Variants in CCKAR observed in about 807,000 individuals in gnomAD.
CCKAR encodes cholecystokinin receptor type A.
Under a neutral mutation model 29.8 loss-of-function variants are expected in CCKAR, and 21 were observed. The observed-to-expected ratio is 0.70, with a 90% CI of 0.50 to 1.01. CCKAR has a LOEUF of 1.01. Among genes scored for constraint, CCKAR ranks in the 50% least tolerant of loss-of-function variants. The pLI, the probability that CCKAR is intolerant of heterozygous loss-of-function variation, is 0.00. For synonymous variants in CCKAR, 238 were observed against 221.3 expected, an observed-to-expected ratio of 1.08 and a Z score of -0.67; for missense variants, 570 against 560.6, an observed-to-expected ratio of 1.02 and a Z score of -0.17.
At chr4:26,485,203 AAAAAAAGAAAG>A (rs1228645745) in intron 3 of CCKAR, among the ~76,000 whole-genome samples, 3 of 151,744 alleles carry the variant, frequency 2.0e-5, no homozygotes, top group Non-Finnish European at 4.4e-5. Context: ...TCAAAAAAAA[AAAAAAAGAAAG>A]AAAAAGAAAG....
chr4:26,488,066 T>A (rs1438936034), intron 2 of CCKAR, among the ~76,000 whole-genome samples: 2 of 152,108 alleles, frequency 1.3e-5, no homozygotes. Context: ...GGCTTTCTGG[T>A]CATTGAAGAC....
rs372792585 is a variant in CCKAR, at chr4:26,489,364, A to G, written c.233T>C (p.Ile78Thr). 1.2e-6 allele frequency: 2 copies of G among 1,614,012 alleles called. No homozygotes were observed. Among genetic ancestry groups the G allele is most frequent in the African/African-American group, 1.3e-5 (1 of 74,922 alleles). ...GCTGACAGCCAGGGAGAGGAGGAAG[A>G]TGTTGGTGACCGTCCGCATCCGCTT... ...RNKRMRTVTN[I>T]FLLSLAVSDL... The change falls in exon 2 of 5, where the codon ATC (isoleucine) becomes ACC (threonine). Residue 78 changes from isoleucine to threonine, a missense_variant. Ile to Thr is a moderately conservative substitution (Grantham distance 89). Transcript: ENST00000295589.
rs776531003 is a variant in CCKAR, at chr4:26,485,688, G to A, written c.575C>T (p.Thr192Ile). 3 of 1,614,194 alleles carry A rather than the reference G, an allele frequency of 1.9e-6. No homozygotes were observed. Among genetic ancestry groups the A allele is most frequent in the Non-Finnish European group, 1.7e-6 (2 of 1,180,034 alleles). Reference protein sequence around the residue: ...LVPFTKNNNQTANMCRFLLPN... With the variant: ...LVPFTKNNNQIANMCRFLLPN... ...CAGTAGAAAGCGGCACATATTCGCG[G>A]TCTGGTTGTTATTTTTGGTAAAAGG... The change falls in exon 3 of 5, where the codon ACC becomes ATC. Residue 192 changes from threonine (T) to isoleucine (I), a missense_variant. Thr to Ile is a moderately conservative substitution (Grantham distance 89). Transcript: ENST00000295589.
Position 26,485,891 on chromosome 4 carries a change from A to G in CCKAR, c.372T>C (p.Ser124=), listed in dbSNP as rs749204093. 13 of 1,612,066 alleles carry G rather than the reference A, an allele frequency of 8.1e-6. No individual in the cohort carries two copies. The Admixed American group carries it at 1.8e-4, about 23-fold the overall frequency. Residue 124 remains serine (S), a synonymous_variant, in exon 3 of 5, where the codon TCT becomes TCC. Transcript: ENST00000295589. ...CCAGATTAAAGGTAGATACACTCAC[A>G]GAGGTGCCTGGGAAAGGAACAAAGA... ...CKTTTYFMGT[S]VSVSTFNLVA... is the part of the protein sequence containing the mutation.
chr4:26,485,561 CA>C, intron 3 of CCKAR, 75 bp downstream of exon 3: 1 of 1,513,816 alleles, frequency 6.6e-7, no homozygotes, highest in Admixed American at 1.7e-5. Flanking sequence ...CCACTCTGGG[CA>C]AGGCATCTCA....
At chr4:26,488,303 C>T (rs1737487470) in intron 2 of CCKAR, among the ~76,000 whole-genome samples, 1 of 152,184 alleles carries the variant, frequency 6.6e-6, no homozygotes, top group Admixed American at 6.5e-5. Flanking sequence ...CATTGTGTGG[C>T]TACAAATCTG....
At chr4:26,484,622 G>A (rs2109878941) in intron 3 of CCKAR, among the ~76,000 whole-genome samples, 1 of 152,294 alleles carries the variant, frequency 6.6e-6, no homozygotes, top group South Asian at 2.1e-4. Context: ...AGTAAGCAAA[G>A]GAACCAGTAT....
rs759392524 is a variant in CCKAR at position 26,481,666 on chromosome 4, T to C, written c.1259A>G (p.His420Arg). ...GASLSRFSYS[H>R]MSASVPPQ is the part of the protein sequence containing the mutation. ...CTGGGGTGGCACCGAGGCACTCATA[T>C]GGCTGTACGAGAACCTGGACAGAGA... is the stretch of plus-strand genomic sequence containing the variant. The change falls in exon 5 of 5, where the codon CAT (histidine) becomes CGT (arginine). Residue 420 changes from histidine to arginine, a missense_variant. Physicochemically the swap from His to Arg is conservative, Grantham distance 29 (BLOSUM62 0). Transcript: ENST00000295589. 4.3e-6 allele frequency: 7 copies of C among 1,614,098 alleles called. No homozygotes were observed. The highest frequency in any genetic ancestry group is 2.7e-5 in the African/African-American group (2 of 74,950).
rs781659845 is a variant in CCKAR at position 26,481,625 on chromosome 4, G to T, written c.*13C>A. 1 of 1,613,738 alleles carries T rather than the reference G, an allele frequency of 6.2e-7. No individual in the cohort carries two copies. The highest frequency in any genetic ancestry group is 1.7e-5 in the Admixed American group (1 of 60,010). ...CCCTGCCTTCCTTCTGCGGTGGAGG[G>T]TCAGGGGACATCTCACTGGGGTGGC... On this transcript the variant is annotated 3_prime_UTR_variant, in exon 5 of 5. Coordinates refer to ENST00000295589, the MANE Select transcript of CCKAR (RefSeq NM_000730.3).
chr4:26,486,239 G>A (rs995692593), intron 2 of CCKAR, among the ~76,000 whole-genome samples: 4 of 152,060 alleles, frequency 2.6e-5, no homozygotes, highest in African/African-American at 9.7e-5. Context: ...CCACAGAAGA[G>A]GTTTCTCTAA....
At chr4:26,483,670 C>T (rs538722432) in intron 3 of CCKAR, among the ~76,000 whole-genome samples, 1 of 152,272 alleles carries the variant, frequency 6.6e-6, no homozygotes, top group African/African-American at 2.4e-5. Context: ...TACATATAGG[C>T]TAAGCATTTT....
Position 26,481,693 on chromosome 4 carries a change from G to A in CCKAR, c.1232C>T (p.Ala411Val). ...GCTGTACGAGAACCTGGACAGAGAG[G>A]CTCCTGTGGTCCCGCCTTCCTCCTC... ...GEEEEGGTTG[A>V]SLSRFSYSHM... Residue 411 changes from alanine to valine, a missense_variant, in exon 5 of 5, where the codon GCC becomes GTC. Physicochemically the swap from Ala to Val is moderately conservative, Grantham distance 64 (BLOSUM62 0). Transcript: ENST00000295589. 3 of 1,614,226 alleles carry A rather than the reference G, an allele frequency of 1.9e-6. No homozygotes were observed. In the Admixed American group the frequency reaches 5.0e-5, roughly 27 times the overall value.
intron 4 of CCKAR, 102 bp from the exon 5 acceptor site, chr4:26,482,272 G>T: frequency 8.9e-7 from 1 of 1,121,746 alleles, no homozygotes; most frequent in Non-Finnish European, 1.3e-6. Context: ...AACCAAACAG[G>T]AACTGAGAAA....
rs73810954 is a variant in CCKAR at position 26,486,000 on chromosome 4, G to T, written c.365-102C>A. 310 of 977,732 alleles carry T rather than the reference G, an allele frequency of 3.2e-4. 2 individuals are homozygous for T. In the African/African-American group the frequency reaches 4.5e-3, roughly 14 times the overall value. The allele number at this position is 977,732 out of a possible 1,614,324, so 60.6% of individuals were successfully genotyped here. A position where few individuals can be genotyped will look rare whatever the true frequency, so the allele number is the denominator to read the frequency against. On this transcript the variant is annotated intron_variant, in intron 2 of 4. Transcript: ENST00000295589. ...TGATCTGCACAGGTTTGATATCAAA[G>T]GAAAACGCTTGGAAGGTAAAGAAAT... is the stretch of plus-strand genomic sequence containing the variant.
chr4:26,489,529 C>A, intron 1 of CCKAR, 45 bp from the exon 2 acceptor site: 4 of 1,603,458 alleles, frequency 2.5e-6, no homozygotes, highest in Non-Finnish European at 2.6e-6. Context: ...GAGGTGATGA[C>A]AGCAGAATGC....
chr4:26,485,232 T>G (rs376129234), intron 3 of CCKAR, among the ~76,000 whole-genome samples: 1 of 150,494 alleles, frequency 6.6e-6, no homozygotes. Context: ...AAGAAAATCA[T>G]AGCTCTACAA....
In CCKAR at chr4:26,481,578, C is replaced by A. The variant is rs1393782614; in HGVS notation, c.*60G>T. 2.6e-6 allele frequency: 4 copies of A among 1,564,776 alleles called. No homozygotes were observed. In the South Asian group the frequency reaches 4.5e-5, roughly 17 times the overall value. Reference sequence around the variant, plus strand: ...TCCTTCTCTTCCTGATCTCTTCTTCCGTTCTTTCTTCTCTGCCTCCTCCCT... The same window carrying A: ...TCCTTCTCTTCCTGATCTCTTCTTCAGTTCTTTCTTCTCTGCCTCCTCCCT... On this transcript the variant is annotated 3_prime_UTR_variant, in exon 5 of 5. Transcript: ENST00000295589.
chr4:26,488,624 A>C (rs1737492869), intron 2 of CCKAR, among the ~76,000 whole-genome samples: 1 of 152,110 alleles, frequency 6.6e-6, no homozygotes, highest in East Asian at 1.9e-4. Context: ...GAGCAAATTC[A>C]ACTCCTCATC....
rs1277177938 is a variant in CCKAR at position 26,481,808 on chromosome 4, T to A, written c.1117A>T (p.Met373Leu). ...SCVNPIIYCF[M>L]NKRFRLGFMA... is the part of the protein sequence containing the mutation. ...AAGCCGAGGCGGAAGCGTTTGTTCA[T>A]GAAGCAGTAGATGATGGGGTTGACG... is the stretch of plus-strand genomic sequence containing the variant. The change falls in exon 5 of 5, where the codon ATG (methionine) becomes TTG (leucine). Residue 373 changes from methionine (M) to leucine (L), a missense_variant. By Grantham distance (15) the Met-to-Leu change is conservative. Coordinates refer to ENST00000295589, the MANE Select transcript of CCKAR (RefSeq NM_000730.3). 3.7e-6 allele frequency: 6 copies of A among 1,613,868 alleles called. No individual in the cohort carries two copies. Among genetic ancestry groups the A allele is most frequent in the Non-Finnish European group, 5.1e-6 (6 of 1,179,898 alleles).
Sources: allele counts gnomAD v4.1 joint callset (sites outside exome capture counted in the v4.1 genomes callset), GRCh38; gene constraint gnomAD v4.1.1; transcripts MANE v1.5; gene names NCBI Gene and HGNC (gene_info 2026-07-23, HGNC 2026-07-21).